Variants in TMOD3 observed in about 807,000 individuals in gnomAD.
TMOD3 encodes tropomodulin 3.
In TMOD3, 20 loss-of-function variants were observed where a neutral mutation model predicts 39.2. That is an observed-to-expected ratio of 0.51 (90% confidence interval 0.36 to 0.74). The LOEUF (loss-of-function observed/expected upper bound fraction) is 0.74, where lower values mean the gene tolerates loss of function less well. Ranked by LOEUF, TMOD3 falls within the 30% of genes least tolerant of loss-of-function variation. The pLI is 0.00. For synonymous variants in TMOD3, 143 were observed against 145.8 expected (o/e 0.98, Z 0.14); for missense variants, 381 against 412.8 (o/e 0.92, Z 0.67).
rs1013065377 is a variant in TMOD3, at chr15:51,910,312, C to G, written c.*1502C>G. On this transcript the variant is annotated 3_prime_UTR_variant, in exon 10 of 10. Coordinates refer to ENST00000308580, the MANE Select transcript of TMOD3 (RefSeq NM_014547.5). ...TTTTTGGGCCGGGCGCAGTGGCTCA[C>G]GCCTGTAATCCCAGCACTTTTGGGA... The G allele has an allele frequency of 1.3e-5, 2 of 152,216 alleles. No homozygotes were observed. The highest frequency in any genetic ancestry group is 4.8e-5 in the African/African-American group (2 of 41,414). The allele number at this position is 152,216 out of a possible 1,614,324, so 9.4% of individuals were successfully genotyped here. A position where few individuals can be genotyped will look rare whatever the true frequency, so the allele number is the denominator to read the frequency against.
At chr15:51,888,498 T>C (rs2056576750) in intron 4 of TMOD3, among the ~76,000 whole-genome samples, 1 of 152,254 alleles carries the variant, frequency 6.6e-6, no homozygotes, top group Non-Finnish European at 1.5e-5. Context: ...TTCTGCCTTA[T>C]TTGTGCACAA....
Position 51,869,243 on chromosome 15 carries a change from G to A in TMOD3, c.153G>A (p.Arg51=). Residue 51 remains arginine (R), a synonymous_variant, in exon 3 of 10, where the codon CGG becomes CGA. Transcript: ENST00000308580. ...ATGCCCTTCTGCCTGCAGGGTTCCG[G>A]CAGAAGAACCAGACATCAAAGTCCA... The part of the protein sequence containing the change: ...PENALLPAGF[R]QKNQTSKSTT... 1 of 1,613,866 alleles carries A rather than the reference G, an allele frequency of 6.2e-7. No homozygotes were observed. Among genetic ancestry groups the A allele is most frequent in the Admixed American group, 1.7e-5 (1 of 59,956 alleles).
intron 1 of TMOD3, among the ~76,000 whole-genome samples, chr15:51,839,004 G>A (rs1178373283): frequency 6.6e-6 from 1 of 152,170 alleles, no homozygotes; most frequent in East Asian, 1.9e-4. Flanking sequence ...ATATTTCACA[G>A]GGACTGGAAT....
Position 51,896,535 on chromosome 15 carries a change from G to A in TMOD3, c.735+9G>A. ...ATGACCCTGTTGCTACTGTAAGTAA[G>A]CGACTTGAGAATATCAAAATTATGA... On this transcript the variant is annotated intron_variant, in intron 7 of 9. Transcript: ENST00000308580. 1 of 1,603,170 alleles carries A rather than the reference G, an allele frequency of 6.2e-7. No individual in the cohort carries two copies. Among genetic ancestry groups the A allele is most frequent in the Non-Finnish European group, 8.5e-7 (1 of 1,171,586 alleles).
chr15:51,883,778 G>T (rs1054736737), intron 3 of TMOD3, among the ~76,000 whole-genome samples: 1 of 152,100 alleles, frequency 6.6e-6, no homozygotes, highest in Non-Finnish European at 1.5e-5. Flanking sequence ...TCACAGTGAA[G>T]CCACTGTGCA....
At chr15:51,864,588 A>T (rs2056435698) in intron 2 of TMOD3, among the ~76,000 whole-genome samples, 1 of 152,192 alleles carries the variant, frequency 6.6e-6, no homozygotes, top group Non-Finnish European at 1.5e-5. Context: ...GGAAGCACCT[A>T]GATTGGTCAG....
At chr15:51,854,740 C>G (rs1174483190) in intron 1 of TMOD3, among the ~76,000 whole-genome samples, 1 of 152,120 alleles carries the variant, frequency 6.6e-6, no homozygotes, top group African/African-American at 2.4e-5. Flanking sequence ...GGTGCTGGTG[C>G]AATGATAAAT....
intron 3 of TMOD3, among the ~76,000 whole-genome samples, chr15:51,873,976 C>T (rs1302235021): frequency 6.6e-6 from 1 of 152,146 alleles, no homozygotes; most frequent in African/African-American, 2.4e-5. Flanking sequence ...GGATTACTTA[C>T]CTAGTCATTA....
At chr15:51,872,636 G>T (rs1276210262) in intron 3 of TMOD3, among the ~76,000 whole-genome samples, 1 of 139,510 alleles carries the variant, frequency 7.2e-6, no homozygotes, top group Non-Finnish European at 1.5e-5. Context: ...TAGAGATGAG[G>T]ACTCACTCTC....
intron 3 of TMOD3, among the ~76,000 whole-genome samples, chr15:51,881,896 T>A (rs1313057413): frequency 6.6e-6 from 1 of 151,828 alleles, no homozygotes; most frequent in Non-Finnish European, 1.5e-5. Flanking sequence ...TTTGTTTTTA[T>A]TTTATTTATT....
chr15:51,862,160 G>C (rs992641138), intron 1 of TMOD3, among the ~76,000 whole-genome samples: 11 of 152,092 alleles, frequency 7.2e-5, no homozygotes, highest in African/African-American at 2.7e-4. Flanking sequence ...AGGAAATGAT[G>C]ATGGTCCCTT....
chr15:51,832,134 T>C (rs2141662464), intron 1 of TMOD3, among the ~76,000 whole-genome samples: 1 of 149,228 alleles, frequency 6.7e-6, no homozygotes. Context: ...TGAGAGACAA[T>C]GATTGTGCCA....
intron 1 of TMOD3, among the ~76,000 whole-genome samples, chr15:51,836,730 A>AG: frequency 1.9e-5 from 1 of 51,682 alleles, no homozygotes; most frequent in African/African-American, 7.1e-5. Flanking sequence ...TCTCAAAAAA[A>AG]AAAAAAGAAA....
In TMOD3 at chr15:51,893,464, A is replaced by C. The variant is rs182070272; in HGVS notation, c.497-351A>C. ...GTTACCAAGTCAATTATCTGCATGCACTGTAATAGTATCAACTCCAGGCTG... is the reference window on the plus strand; with the variant it reads ...GTTACCAAGTCAATTATCTGCATGCCCTGTAATAGTATCAACTCCAGGCTG... On this transcript the variant is annotated intron_variant, in intron 5 of 9. Transcript: ENST00000308580. Among the ~76,000 whole-genome samples, 1,191 of 150,964 alleles carry C rather than the reference A, an allele frequency of 7.9e-3. 18 individuals are homozygous for C. The highest frequency in any genetic ancestry group is 0.027 in the African/African-American group (1,127 of 41,158).
intron 1 of TMOD3, among the ~76,000 whole-genome samples, chr15:51,844,882 C>T (rs1294527824): frequency 6.6e-6 from 1 of 151,828 alleles, no homozygotes; most frequent in Non-Finnish European, 1.5e-5. Context: ...ACTTTTTTTT[C>T]CCCTCTACTA....
rs907384095 is a variant in TMOD3 at position 51,911,381 on chromosome 15, A to G, written c.*2571A>G. ...TATAACTGAAAGAAATGATTTCTTC[A>G]TAAGTGACATTAAATATGAACATTC... is the stretch of plus-strand genomic sequence containing the variant. On this transcript the variant is annotated 3_prime_UTR_variant, in exon 10 of 10. Coordinates refer to ENST00000308580, the MANE Select transcript of TMOD3 (RefSeq NM_014547.5). 5.9e-5 allele frequency: 9 copies of G among 152,220 alleles called. No homozygotes were observed. Among genetic ancestry groups the G allele is most frequent in the Non-Finnish European group, 1.3e-4 (9 of 68,042 alleles). 9.4% of individuals were successfully genotyped at this position (152,220 alleles called of 1,614,324 possible).
intron 3 of TMOD3, among the ~76,000 whole-genome samples, chr15:51,875,503 C>T (rs1232398344): frequency 6.6e-6 from 1 of 151,948 alleles, no homozygotes; most frequent in Non-Finnish European, 1.5e-5. Context: ...GCTTGTTACT[C>T]ATGTTAACCG....
intron 3 of TMOD3, among the ~76,000 whole-genome samples, chr15:51,879,348 C>A (rs1459231485): frequency 2.0e-5 from 3 of 151,400 alleles, no homozygotes; most frequent in Non-Finnish European, 4.4e-5. Flanking sequence ...TCATACTTAT[C>A]TGAGAGTTTT....
intron 1 of TMOD3, among the ~76,000 whole-genome samples, chr15:51,839,081 T>A (rs780441300): frequency 1.3e-5 from 2 of 152,094 alleles, no homozygotes. Context: ...TATTTTGATG[T>A]CAGAAGGAAG....
Sources: allele counts gnomAD v4.1 joint callset (sites outside exome capture counted in the v4.1 genomes callset), GRCh38; gene constraint gnomAD v4.1.1; transcripts MANE v1.5; gene names NCBI Gene and HGNC (gene_info 2026-07-23, HGNC 2026-07-21).